TCF4: variants seen among roughly 807,000 people sequenced by gnomAD.
The protein encoded by TCF4 is SL3-3 enhancer factor 2.
TCF4 carries 3 observed loss-of-function variants against 82.1 expected under a neutral mutation model. The observed-to-expected ratio is 0.04, with a 90% CI of 0.02 to 0.09. The LOEUF (loss-of-function observed/expected upper bound fraction) is 0.09, where lower values mean the gene tolerates loss of function less well. TCF4 is among the 10% of genes least tolerant of loss of function. TCF4 has a pLI of 1.00. For synonymous variants in TCF4, 276 were observed against 309.6 expected (o/e 0.89, Z 1.14); for missense variants, 518 against 852.7 (o/e 0.61, Z 4.89).
chr18:55,417,720 C>T (rs999105902), intron 5 of TCF4, among the ~76,000 whole-genome samples: 7 of 152,098 alleles, frequency 4.6e-5, no homozygotes, highest in African/African-American at 9.6e-5. Context: ...TTAGGGACAA[C>T]GTAATGTAAA....
At chr18:55,535,932 C>T (rs2097110450) in intron 3 of TCF4, among the ~76,000 whole-genome samples, 1 of 152,096 alleles carries the variant, frequency 6.6e-6, no homozygotes. Flanking sequence ...TGAGAACAAA[C>T]CAGTAAATTC....
chr18:55,480,841 C>G (rs756009067), intron 3 of TCF4, among the ~76,000 whole-genome samples: 56 of 152,120 alleles, frequency 3.7e-4, no homozygotes, highest in Non-Finnish European at 5.3e-4. Flanking sequence ...CAGTGGCTCA[C>G]GCCTGTAATC....
At chr18:55,551,934 C>T (rs758628055) in intron 3 of TCF4, among the ~76,000 whole-genome samples, 2 of 152,198 alleles carry the variant, frequency 1.3e-5, no homozygotes, top group Admixed American at 1.3e-4. Flanking sequence ...AGGCCCCAGA[C>T]TGGTAGACTA....
chr18:55,228,598 G>A (rs557835989), intron 18 of TCF4, among the ~76,000 whole-genome samples: 1 of 152,270 alleles, frequency 6.6e-6, no homozygotes, highest in East Asian at 1.9e-4. Context: ...AATAAACTAA[G>A]CTCAAATTAC....
Position 55,400,877 on chromosome 18 carries a change from T to C in TCF4, c.369+2577A>G, listed in dbSNP as rs2093773315. ...CCCTTTAAGTCCATAGGATACACTG[T>C]TATAATACGATAAAGCAGCTTTTGG... On this transcript the variant is annotated intron_variant, in intron 6 of 19. Transcript: ENST00000354452. 1.1e-5 allele frequency: 11 copies of C among 1,004,950 alleles called. No individual in the cohort carries two copies. The Admixed American group carries it at 1.4e-4, about 13-fold the overall frequency. The allele number at this position is 1,004,950 out of a possible 1,614,324, so 62.3% of individuals were successfully genotyped here.
At chr18:55,268,285 CCTT>C (rs1359498685) in intron 11 of TCF4, 1 of 152,110 alleles carries the variant, frequency 6.6e-6, no homozygotes, top group Non-Finnish European at 1.5e-5. Flanking sequence ...GACCGGTCAT[CCTT>C]CTTTATAACC....
Position 55,228,381 on chromosome 18 carries a change from A to G in TCF4, c.1880-20T>C. ...TCCTTTCTGTGGAGGATTAAAGCAC[A>G]GAACCTTTGTTTAATGCTGAGGCTT... is the stretch of plus-strand genomic sequence containing the variant. On this transcript the variant is annotated intron_variant, in intron 18 of 19. Coordinates refer to ENST00000354452, the MANE Select transcript of TCF4 (RefSeq NM_001083962.2). 1.9e-6 allele frequency: 3 copies of G among 1,613,166 alleles called. No individual in the cohort carries two copies. Among genetic ancestry groups the G allele is most frequent in the Non-Finnish European group, 2.5e-6 (3 of 1,180,004 alleles).
chr18:55,585,373 T>C (rs1303204845), intron 2 of TCF4, 21 bp from the exon 3 acceptor site: 3 of 1,609,422 alleles, frequency 1.9e-6, no homozygotes, highest in Non-Finnish European at 1.7e-6. Context: ...CAAAGAAATA[T>C]TACAGTTGAA....
chr18:55,403,776 T>C (rs527564293), intron 5 of TCF4: 23 of 1,527,544 alleles, frequency 1.5e-5, no homozygotes, highest in Non-Finnish European at 1.8e-5. Context: ...GCCTCCACTT[T>C]CTCTAACAAA....
chr18:55,602,168 G>C (rs1363278461), intron 2 of TCF4, among the ~76,000 whole-genome samples: 1 of 152,174 alleles, frequency 6.6e-6, no homozygotes, highest in African/African-American at 2.4e-5. Flanking sequence ...ACCCTATATG[G>C]TAGGTATTAT....
intron 3 of TCF4, among the ~76,000 whole-genome samples, chr18:55,533,083 G>T (rs2097082482): frequency 6.6e-6 from 1 of 152,092 alleles, no homozygotes; most frequent in Admixed American, 6.6e-5. Context: ...ACAAAATGTG[G>T]TTCAAAACAA....
intron 6 of TCF4, chr18:55,351,401 C>T (rs1044502943): frequency 8.7e-6 from 2 of 230,558 alleles, no homozygotes; most frequent in African/African-American, 4.7e-5. Flanking sequence ...CACACAACTT[C>T]CCCTGGCTGC....
chr18:55,309,278 A>AT (rs5825134), intron 8 of TCF4, among the ~76,000 whole-genome samples: 5,102 of 144,882 alleles, frequency 0.035, 110 homozygotes, highest in Non-Finnish European at 0.044. Flanking sequence ...TGCCTGGCTA[A>AT]TTTTTTTTTT....
In TCF4 at chr18:55,275,625, T is replaced by C. The variant is rs1177824906; in HGVS notation, c.783A>G (p.Glu261=). The part of the protein sequence containing the change: ...SSSYCSLHPH[E]RLSYPSHSSA... ...CCGTGTATGTCTGCCTTACCAAACG[T>C]TCATGTGGATGCAGGCTACAGTAGC... The change falls in exon 10 of 20, where the codon GAA becomes GAG. Residue 261 remains glutamate (E), a synonymous_variant. Transcript: ENST00000354452. 2 of 1,613,634 alleles carry C rather than the reference T, an allele frequency of 1.2e-6. No homozygotes were observed. The highest frequency in any genetic ancestry group is 1.7e-6 in the Non-Finnish European group (2 of 1,179,754).
chr18:55,343,704 A>C (rs1306459893), intron 8 of TCF4, among the ~76,000 whole-genome samples: 1 of 152,140 alleles, frequency 6.6e-6, no homozygotes, highest in Non-Finnish European at 1.5e-5. Flanking sequence ...ATAGCTCTAC[A>C]CCTATGCAGC....
intron 5 of TCF4, among the ~76,000 whole-genome samples, chr18:55,410,769 C>T (rs1375862751): frequency 6.6e-6 from 1 of 152,052 alleles, no homozygotes; most frequent in African/African-American, 2.4e-5. Flanking sequence ...TAATCCTCTC[C>T]CCAAATAATT....
At position 55,234,738 on chromosome 18, in the gene TCF4, A is replaced by C. The variant is rs1599578773; in HGVS notation, c.1351-55T>G. 5.6e-6 allele frequency: 9 copies of C among 1,612,712 alleles called. No homozygotes were observed. In the East Asian group the frequency reaches 2.0e-4, roughly 36 times the overall value. Reference sequence around the variant, plus strand: ...AGCAGGAACCGGAGGTGCGACAGCTATTTCCAGAGGCCAAGAGGACCTGAT... The same window carrying C: ...AGCAGGAACCGGAGGTGCGACAGCTCTTTCCAGAGGCCAAGAGGACCTGAT... On this transcript the variant is annotated intron_variant, in intron 15 of 19. Transcript: ENST00000354452.
At chr18:55,310,094 T>C (rs1158912475) in intron 8 of TCF4, among the ~76,000 whole-genome samples, 1 of 152,162 alleles carries the variant, frequency 6.6e-6, no homozygotes, top group Non-Finnish European at 1.5e-5. Context: ...TAAATGCCAG[T>C]TTAGGGCAAA....
chr18:55,472,234 A>G (rs2096199570), intron 3 of TCF4, among the ~76,000 whole-genome samples: 1 of 152,240 alleles, frequency 6.6e-6, no homozygotes, highest in Admixed American at 6.5e-5. Flanking sequence ...TGAAGTGGGT[A>G]ACTGTTATGT....
Sources: allele counts gnomAD v4.1 joint callset (sites outside exome capture counted in the v4.1 genomes callset), GRCh38; gene constraint gnomAD v4.1.1; transcripts MANE v1.5; gene names NCBI Gene and HGNC (gene_info 2026-07-23, HGNC 2026-07-21).